Variants in TRDN observed in about 807,000 individuals in gnomAD.
The protein encoded by TRDN is triadin in skeletal muscle.
In TRDN, 161 loss-of-function variants were observed where a neutral mutation model predicts 149.7. That is an observed-to-expected ratio of 1.08 (90% confidence interval 0.95 to 1.23). TRDN has a LOEUF of 1.23. Ranked by LOEUF, TRDN falls within the 50% of genes most tolerant of loss-of-function variation. The pLI is 0.00. For missense variants in TRDN, 896 were observed against 823.5 expected (o/e 1.09, Z -1.08); for synonymous variants, 294 against 250.5 (o/e 1.17, Z -1.64).
In TRDN at chr6:123,521,579, C is replaced by A. The variant is rs564578461; in HGVS notation, c.485-5373G>T. On this transcript the variant is annotated intron_variant, in intron 5 of 40. Transcript: ENST00000334268. ...CAGAAAAAAACTCATCCTGTGGAAA[C>A]CTTGACTTTGGACTTCCAGCCTCAA... Among the ~76,000 whole-genome samples, 4 of 152,188 alleles carry A rather than the reference C, an allele frequency of 2.6e-5. No homozygotes were observed. The East Asian group carries it at 7.8e-4, about 30-fold the overall frequency.
intron 33 of TRDN, among the ~76,000 whole-genome samples, chr6:123,261,500 A>T (rs1174353205): frequency 6.6e-6 from 1 of 151,750 alleles, no homozygotes; most frequent in East Asian, 1.9e-4. Context: ...ATAACCTGGA[A>T]AGTTTTTTTT....
At chr6:123,600,388 G>A (rs1583307281) in intron 1 of TRDN, among the ~76,000 whole-genome samples, 1 of 152,150 alleles carries the variant, frequency 6.6e-6, no homozygotes, top group Admixed American at 6.6e-5. Flanking sequence ...CCAGGAGTAG[G>A]AGCTGAGAAA....
chr6:123,252,454 TA>T lies in TRDN; in HGVS notation c.1952-20del. ...TTTTCTGCTAAAAAGAGAAAATAAA[TA>T]AGTTTTGTTTAACTGAGATAAAATG... is the stretch of plus-strand genomic sequence containing the variant. On this transcript the variant is annotated intron_variant, in intron 37 of 40. Transcript: ENST00000334268. 1 of 1,434,300 alleles carries T rather than the reference TA, an allele frequency of 7.0e-7. No individual in the cohort carries two copies. Among genetic ancestry groups the T allele is most frequent in the Non-Finnish European group, 9.6e-7 (1 of 1,045,606 alleles). 88.8% of individuals were successfully genotyped at this position (1,434,300 alleles called of 1,614,324 possible). A position where few individuals can be genotyped will look rare whatever the true frequency, so the allele number is the denominator to read the frequency against.
chr6:123,332,520 A>G (rs1359174895), intron 22 of TRDN, among the ~76,000 whole-genome samples: 4 of 152,068 alleles, frequency 2.6e-5, no homozygotes, highest in Non-Finnish European at 5.9e-5. Flanking sequence ...TTATTCTACC[A>G]CCTTCCAAAC....
intron 12 of TRDN, among the ~76,000 whole-genome samples, chr6:123,408,362 G>C (rs1753345315): frequency 2.0e-5 from 3 of 152,014 alleles, no homozygotes; most frequent in African/African-American, 7.2e-5. Context: ...TCATACCTAT[G>C]TCTTAGAGAA....
At chr6:123,375,578 C>T in intron 19 of TRDN, 27 bp downstream of exon 19, 9 of 1,524,458 alleles carry the variant, frequency 5.9e-6, no homozygotes, top group Non-Finnish European at 7.9e-6. Flanking sequence ...CAAATATGCT[C>T]TTCTTTAAAA....
Position 123,352,323 on chromosome 6 carries a change from T to C in TRDN, c.1369+216A>G, listed in dbSNP as rs1056580329. On this transcript the variant is annotated intron_variant, in intron 21 of 40. Transcript: ENST00000334268. ...TTAAACAGTTTGGGGAGTTTCCCTGTTCGGAACTGATATTCAAAGTTCAGT... is the reference window on the plus strand; with the variant it reads ...TTAAACAGTTTGGGGAGTTTCCCTGCTCGGAACTGATATTCAAAGTTCAGT... 14 of 985,144 alleles carry C rather than the reference T, an allele frequency of 1.4e-5. No homozygotes were observed. In the African/African-American group the frequency reaches 2.4e-4, roughly 17 times the overall value. 61.0% of individuals were successfully genotyped at this position (985,144 alleles called of 1,614,324 possible).
At chr6:123,494,450 T>C (rs1390528894) in intron 9 of TRDN, among the ~76,000 whole-genome samples, 4 of 152,200 alleles carry the variant, frequency 2.6e-5, no homozygotes, top group Non-Finnish European at 5.9e-5. Flanking sequence ...CTTGAGACTT[T>C]CTTAGGAATT....
rs1307027570 is a variant in TRDN at position 123,537,725 on chromosome 6, T to G, written c.425-7160A>C. On this transcript the variant is annotated intron_variant, in intron 4 of 40. Coordinates refer to ENST00000334268, the MANE Select transcript of TRDN (RefSeq NM_006073.4). ...GAAGAAAGGCCACAGGCATTCAAAATGAGAAGGCTGGTAGTAGCAGCAACC... is the reference window on the plus strand; with the variant it reads ...GAAGAAAGGCCACAGGCATTCAAAAGGAGAAGGCTGGTAGTAGCAGCAACC... Among the ~76,000 whole-genome samples the G allele has an allele frequency of 2.6e-5, 4 of 152,128 alleles. 1 individual carries two copies. The highest frequency in any genetic ancestry group is 2.6e-4 in the Admixed American group (4 of 15,272).
chr6:123,587,148 A>G (rs527750232), intron 1 of TRDN, among the ~76,000 whole-genome samples: 14 of 152,222 alleles, frequency 9.2e-5, no homozygotes, highest in Non-Finnish European at 1.9e-4. Context: ...CCTTCCCCAG[A>G]AAAGCGGGAC....
At chr6:123,238,036 A>G (rs1303502077) in intron 38 of TRDN, among the ~76,000 whole-genome samples, 1 of 152,192 alleles carries the variant, frequency 6.6e-6, no homozygotes, top group Non-Finnish European at 1.5e-5. Context: ...AGATTATGTG[A>G]CAGAAAAAAT....
intron 18 of TRDN, among the ~76,000 whole-genome samples, chr6:123,377,306 A>G (rs1781546199): frequency 6.6e-6 from 1 of 152,210 alleles, no homozygotes; most frequent in African/African-American, 2.4e-5. Flanking sequence ...TGTATAATGC[A>G]TTTACAAAAA....
In TRDN at chr6:123,216,723, A is replaced by C. The variant is rs1253256722; in HGVS notation, c.*1878T>G. On this transcript the variant is annotated 3_prime_UTR_variant, in exon 41 of 41. Transcript: ENST00000334268. ...CTATTTTACTCATGGAGAAACAAAC[A>C]TAGTATGTTTAGTAAATTTTTCAAG... 1 of 150,362 alleles carries C rather than the reference A, an allele frequency of 6.7e-6. No individual in the cohort carries two copies. Among genetic ancestry groups the C allele is most frequent in the African/African-American group, 2.4e-5 (1 of 41,364 alleles). The allele number at this position is 150,362 out of a possible 1,614,324, so 9.3% of individuals were successfully genotyped here.
intron 2 of TRDN, among the ~76,000 whole-genome samples, chr6:123,557,309 A>G (rs1020617421): frequency 1.1e-4 from 16 of 152,192 alleles, no homozygotes; most frequent in African/African-American, 3.1e-4. Context: ...TGGGAGATCA[A>G]TCTTCTGTCC....
At chr6:123,629,173 C>T (rs1785833448) in intron 1 of TRDN, among the ~76,000 whole-genome samples, 2 of 152,058 alleles carry the variant, frequency 1.3e-5, no homozygotes, top group Admixed American at 1.3e-4. Flanking sequence ...TAAATGTCTT[C>T]CTCAAACAGA....
chr6:123,494,469 T>A (rs1197685328), intron 9 of TRDN, among the ~76,000 whole-genome samples: 1 of 152,226 alleles, frequency 6.6e-6, no homozygotes, highest in Non-Finnish European at 1.5e-5. Context: ...TTATATTTTA[T>A]GATCAACAAA....
intron 24 of TRDN, among the ~76,000 whole-genome samples, chr6:123,285,756 C>T (rs937099099): frequency 6.6e-6 from 1 of 152,118 alleles, no homozygotes; most frequent in Non-Finnish European, 1.5e-5. Context: ...AGACAACCTA[C>T]AGAGTGGGAG....
chr6:123,578,577 G>T (rs1782969247), intron 1 of TRDN, among the ~76,000 whole-genome samples: 1 of 152,106 alleles, frequency 6.6e-6, no homozygotes, highest in Non-Finnish European at 1.5e-5. Context: ...ATGGTTTGAA[G>T]TTGAGTAATG....
intron 1 of TRDN, among the ~76,000 whole-genome samples, chr6:123,589,038 C>T (rs561094059): frequency 2.6e-4 from 40 of 152,004 alleles, no homozygotes; most frequent in Admixed American, 3.9e-4. Flanking sequence ...AGACCTTTTA[C>T]GAAAATAAAT....
Sources: allele counts gnomAD v4.1 joint callset (sites outside exome capture counted in the v4.1 genomes callset), GRCh38; gene constraint gnomAD v4.1.1; transcripts MANE v1.5; gene names NCBI Gene and HGNC (gene_info 2026-07-23, HGNC 2026-07-21).